CFHR4: variants seen among roughly 807,000 people sequenced by gnomAD.
CFHR4 encodes the protein complement factor H-related protein 4.
A neutral mutation model predicts 69.3 loss-of-function variants in CFHR4; 64 were observed. That is an observed-to-expected ratio of 0.92 (90% CI 0.76 to 1.14). CFHR4 has a LOEUF of 1.14. Among genes scored for constraint, CFHR4 ranks in the 50% most tolerant of loss-of-function variants. The probability of loss-of-function intolerance (pLI) is 0.00; values close to 1 mark genes in which losing one functional copy is unlikely to be tolerated. For synonymous variants in CFHR4, 244 were observed against 237.0 expected (o/e 1.03, Z -0.27); for missense variants, 636 against 684.9 (o/e 0.93, Z 0.80).
chr1:196,916,352 A>G (rs924213953), intron 9 of CFHR4, among the ~76,000 whole-genome samples: 9 of 151,938 alleles, frequency 5.9e-5, no homozygotes, highest in Non-Finnish European at 8.8e-5. Flanking sequence ...CTCTTAAACT[A>G]TAAGTTCATG....
intron 1 of CFHR4, among the ~76,000 whole-genome samples, chr1:196,894,891 A>ACAACAACAG (rs1397823170): frequency 7.3e-5 from 11 of 150,240 alleles, no homozygotes; most frequent in Non-Finnish European, 3.0e-5. Flanking sequence ...GTCTCTAAAA[A>ACAACAACAG]CAACAACAAC....
At chr1:196,908,107 AG>A (rs1439075670) in intron 5 of CFHR4, among the ~76,000 whole-genome samples, 3 of 151,342 alleles carry the variant, frequency 2.0e-5, no homozygotes, top group Non-Finnish European at 4.4e-5. Context: ...GAACTGAACA[AG>A]GAGAACAGGT....
chr1:196,902,530 T>A lies in CFHR4; in HGVS notation c.171T>A (p.Asp57Glu). ...GACAATCTTATTCCTATTACTGTGA[T>A]CAAAATTTTGTGACTCCTTCAGGAA... ...AAGQSYSYYC[D>E]QNFVTPSGSY... The change falls in exon 2 of 10, where the codon GAT becomes GAA. Residue 57 changes from aspartate (D) to glutamate (E), a missense_variant. Asp to Glu is a conservative substitution (Grantham distance 45, BLOSUM62 2). This residue lies in a region of CFHR4 where 529 missense variants were observed against 533.2 expected (regional missense o/e 0.99). Transcript: ENST00000608469. 2 of 1,612,058 alleles carry A rather than the reference T, an allele frequency of 1.2e-6. No homozygotes were observed. Among genetic ancestry groups the A allele is most frequent in the Non-Finnish European group, 1.7e-6 (2 of 1,179,010 alleles).
In CFHR4 at chr1:196,907,390, C is replaced by A. The variant is rs776471590; in HGVS notation, c.691C>A (p.Leu231Met). ...CACGTCCTTCCCGCAAAAAGTGTAT[C>A]TGCCATGGTCAAGAGTCGAGTACCA... is the stretch of plus-strand genomic sequence containing the variant. ...DTTSFPQKVYLPWSRVEYQCQ... is the reference protein window; with the variant it reads ...DTTSFPQKVYMPWSRVEYQCQ... The change falls in exon 5 of 10, where the codon CTG (leucine) becomes ATG (methionine). Residue 231 changes from leucine (L) to methionine (M), a missense_variant. By Grantham distance (15) the Leu-to-Met change is conservative. Coordinates refer to ENST00000608469, the MANE Select transcript of CFHR4 (RefSeq NM_001201550.3). The A allele has an allele frequency of 1.9e-6, 3 of 1,611,866 alleles. No individual in the cohort carries two copies. Among genetic ancestry groups the A allele is most frequent in the Non-Finnish European group, 2.5e-6 (3 of 1,178,966 alleles).
At position 196,915,663 on chromosome 1, in the gene CFHR4, T is replaced by A. The variant is rs558988803; in HGVS notation, c.1540+525T>A. ...AAATAAAAAAATAAAAAATAAAAAA[T>A]AAATAAATAAAACAGAAGAAGAAGA... On this transcript the variant is annotated intron_variant, in intron 9 of 9. Coordinates refer to ENST00000608469, the MANE Select transcript of CFHR4 (RefSeq NM_001201550.3). 8.1e-4 allele frequency among the ~76,000 whole-genome samples: 121 copies of A among 149,920 alleles called. 1 individual carries two copies. The highest frequency in any genetic ancestry group is 1.6e-3 in the Non-Finnish European group (105 of 67,454).
rs543759313 is a variant in CFHR4 at position 196,894,846 on chromosome 1, G to T, written c.58+6638G>T. On this transcript the variant is annotated intron_variant, in intron 1 of 9. Coordinates refer to ENST00000608469, the MANE Select transcript of CFHR4 (RefSeq NM_001201550.3). ...TGGGGAGAGTTGCTTGAGGCCAGAA[G>T]TTTGAGGTCAGCCTGGCAAGCATGG... Among the ~76,000 whole-genome samples, 121 of 150,482 alleles carry T rather than the reference G, an allele frequency of 8.0e-4. No homozygotes were observed. The South Asian group carries it at 0.016, about 19-fold the overall frequency.
intron 2 of CFHR4, among the ~76,000 whole-genome samples, chr1:196,904,534 T>C (rs1430692280): frequency 6.6e-6 from 1 of 151,480 alleles, no homozygotes; most frequent in African/African-American, 2.4e-5. Flanking sequence ...AAAGAACATA[T>C]ACATTACTAA....
intron 1 of CFHR4, among the ~76,000 whole-genome samples, chr1:196,890,849 A>G (rs1656988317): frequency 1.3e-5 from 2 of 151,604 alleles, no homozygotes; most frequent in Non-Finnish European, 2.9e-5. Flanking sequence ...CTACACACCC[A>G]GTTCTAATAA....
At chr1:196,916,304 T>A (rs1658625764) in intron 9 of CFHR4, among the ~76,000 whole-genome samples, 1 of 151,780 alleles carries the variant, frequency 6.6e-6, no homozygotes, top group Non-Finnish European at 1.5e-5. Flanking sequence ...GGGATACCCA[T>A]CAGTCCTTGC....
At chr1:196,901,084 T>C (rs776100865) in intron 1 of CFHR4, among the ~76,000 whole-genome samples, 1 of 151,550 alleles carries the variant, frequency 6.6e-6, no homozygotes, top group Non-Finnish European at 1.5e-5. Flanking sequence ...CTGACACTTG[T>C]TAATATGACA....
intron 6 of CFHR4, among the ~76,000 whole-genome samples, chr1:196,911,503 ATG>A (rs145320931): frequency 0.032 from 4,791 of 151,558 alleles, 351 homozygotes; most frequent in African/African-American, 0.11. Context: ...TTTATAGTTA[ATG>A]CTCTGTTGCT....
At position 196,912,317 on chromosome 1, in the gene CFHR4, A is replaced by G. The variant is rs1267420045; in HGVS notation, c.998-423A>G. On this transcript the variant is annotated intron_variant, in intron 6 of 9. Coordinates refer to ENST00000608469, the MANE Select transcript of CFHR4 (RefSeq NM_001201550.3). Reference sequence around the variant, plus strand: ...GATTTACAAAATTACTTTCTTGCCTATGGTAGCAGTGTGTACCGTATCTTT... The same window carrying G: ...GATTTACAAAATTACTTTCTTGCCTGTGGTAGCAGTGTGTACCGTATCTTT... Among the ~76,000 whole-genome samples, 4 of 151,364 alleles carry G rather than the reference A, an allele frequency of 2.6e-5. No individual in the cohort carries two copies. The East Asian group carries it at 5.8e-4, about 22-fold the overall frequency.
At chr1:196,901,022 CAAAAAG>C (rs1456383251) in intron 1 of CFHR4, among the ~76,000 whole-genome samples, 1 of 151,146 alleles carries the variant, frequency 6.6e-6, no homozygotes, top group African/African-American at 2.4e-5. Flanking sequence ...TCTAATCAAA[CAAAAAG>C]AAATAGATTG....
In CFHR4 at chr1:196,907,379, A is replaced by G; in HGVS notation, c.680A>G (p.Gln227Arg). 6.2e-6 allele frequency: 10 copies of G among 1,612,154 alleles called. No homozygotes were observed. Among genetic ancestry groups the G allele is most frequent in the Non-Finnish European group, 7.6e-6 (9 of 1,179,098 alleles). ...ISNGDTTSFP[Q>R]KVYLPWSRVE... ...AATGGAGATACCACGTCCTTCCCGC[A>G]AAAAGTGTATCTGCCATGGTCAAGA... The change falls in exon 5 of 10, where the codon CAA becomes CGA. Residue 227 changes from glutamine to arginine, a missense_variant. By Grantham distance (43) the Gln-to-Arg change is conservative (BLOSUM62 1). Transcript: ENST00000608469.
chr1:196,915,411 G>A (rs562835969), intron 9 of CFHR4, among the ~76,000 whole-genome samples: 2 of 151,546 alleles, frequency 1.3e-5, no homozygotes, highest in South Asian at 4.1e-4. Flanking sequence ...GCCGAGGCAG[G>A]CAGATCACGA....
At chr1:196,913,363 G>A (rs2124971525) in intron 7 of CFHR4, among the ~76,000 whole-genome samples, 1 of 151,550 alleles carries the variant, frequency 6.6e-6, no homozygotes, top group South Asian at 2.1e-4. Flanking sequence ...AGCATCAGGA[G>A]AATCAGACCG....
intron 1 of CFHR4, among the ~76,000 whole-genome samples, chr1:196,898,426 CTT>C (rs1489380926): frequency 6.6e-6 from 1 of 151,502 alleles, no homozygotes; most frequent in Non-Finnish European, 1.5e-5. Context: ...TTTGAGAAGT[CTT>C]TGCTTTCCAA....
In CFHR4 at chr1:196,916,329, A is replaced by G. The variant is rs566316596; in HGVS notation, c.1540+1191A>G. 3.2e-3 allele frequency among the ~76,000 whole-genome samples: 488 copies of G among 152,034 alleles called. 7 individuals are homozygous for G. The highest frequency in any genetic ancestry group is 0.011 in the African/African-American group (455 of 41,404). On this transcript the variant is annotated intron_variant, in intron 9 of 9. Coordinates refer to ENST00000608469, the MANE Select transcript of CFHR4 (RefSeq NM_001201550.3). ...TCAGTCCTTGCATGTCAGATAACCT[A>G]TTCCTATCACAGCTCTTAAACTATA...
intron 3 of CFHR4, 53 bp downstream of exon 3, chr1:196,905,343 T>G: frequency 3.1e-6 from 5 of 1,599,216 alleles, no homozygotes; most frequent in Non-Finnish European, 4.3e-6. Flanking sequence ...TTCCTCTCTT[T>G]GAGGTGATAG....
Sources: allele counts gnomAD v4.1 joint callset (sites outside exome capture counted in the v4.1 genomes callset), GRCh38; gene constraint gnomAD v4.1.1; regional missense constraint gnomAD v4.1.1; transcripts MANE v1.5; gene names NCBI Gene and HGNC (gene_info 2026-07-23, HGNC 2026-07-21).